RAVER1: variants seen among roughly 807,000 people sequenced by gnomAD.
RAVER1 encodes the protein ribonucleoprotein PTB-binding 1.
In RAVER1, 36 loss-of-function variants were observed where a neutral mutation model predicts 68.4. The observed-to-expected ratio is 0.53, with a 90% CI of 0.40 to 0.70. The LOEUF is 0.70. Among genes scored for constraint, RAVER1 ranks in the 30% least tolerant of loss-of-function variants. The pLI, the probability that RAVER1 is intolerant of heterozygous loss-of-function variation, is 0.00. For synonymous variants in RAVER1, 469 were observed against 472.7 expected (o/e 0.99, Z 0.10); for missense variants, 933 against 1,019.8 (o/e 0.91, Z 1.16).
intron 11 of RAVER1, 102 bp downstream of exon 11, chr19:10,318,127 C>G (rs187784221): frequency 1.3e-5 from 13 of 1,036,562 alleles, no homozygotes; most frequent in Admixed American, 2.8e-5. Context: ...GCCACCACCC[C>G]AGCTTTGGCC....
At chr19:10,327,867 C>G (rs562776413) in intron 3 of RAVER1, among the ~76,000 whole-genome samples, 4 of 152,260 alleles carry the variant, frequency 2.6e-5, no homozygotes, top group Non-Finnish European at 5.9e-5. Context: ...GGCCTGTTCT[C>G]GCCCCACTGC....
In RAVER1 at chr19:10,316,711, A is replaced by G. The variant is rs907690698; in HGVS notation, c.*743T>C. 7.3e-6 allele frequency: 2 copies of G among 273,426 alleles called. No individual in the cohort carries two copies. The highest frequency in any genetic ancestry group is 2.3e-5 in the African/African-American group (1 of 43,686). The allele number at this position is 273,426 out of a possible 1,614,324, so 16.9% of individuals were successfully genotyped here. On this transcript the variant is annotated 3_prime_UTR_variant, in exon 13 of 13. Coordinates refer to ENST00000617231, the MANE Select transcript of RAVER1 (RefSeq NM_133452.3). ...TGGAGATCCTGGGTAGGGTGGCCCA[A>G]TCCCTAGGCCAGAGCTGTTTGGTCC...
At position 10,320,948 on chromosome 19, in the gene RAVER1, A is replaced by G; in HGVS notation, c.1477T>C (p.Ser493Pro). 1.3e-6 allele frequency: 2 copies of G among 1,492,002 alleles called. No individual in the cohort carries two copies. The highest frequency in any genetic ancestry group is 2.5e-5 in the Admixed American group (1 of 39,424). 92.4% of individuals were successfully genotyped at this position (1,492,002 alleles called of 1,614,324 possible). Residue 493 changes from serine (S) to proline (P), a missense_variant, in exon 9 of 13, where the codon TCA (serine) becomes CCA (proline). Around this residue, in one of 3 missense-constraint regions of RAVER1, gnomAD observed 699 missense variants for 731.1 expected, o/e 0.96. Transcript: ENST00000617231. ...SGPLPTPPGV[S>P]LLGEPPKDYR... ...TCCTTGGGGGGCTCCCCCAGCAGTG[A>G]GACCTGTGGCGGGAAGGCAGGATTC...
At position 10,322,626 on chromosome 19, in the gene RAVER1, A is replaced by AG. The variant is rs1320917463; in HGVS notation, c.1173+18dup. On this transcript the variant is annotated intron_variant, in intron 6 of 12. Transcript: ENST00000617231. This position sits in a 1 kb window ranked among gnomAD's most constrained non-coding sequence, Gnocchi z 4.3. Reference sequence around the variant, plus strand: ...TGTAGGGGCTGTAGAGCAGTGGGTGAGGGGGATGCGTGTGTTACCTTCTGG... The same window carrying AG: ...TGTAGGGGCTGTAGAGCAGTGGGTGAGGGGGGATGCGTGTGTTACCTTCTGG... 1 of 1,497,442 alleles carries AG rather than the reference A, an allele frequency of 6.7e-7. No homozygotes were observed. Among genetic ancestry groups the AG allele is most frequent in the Admixed American group, 2.3e-5 (1 of 42,886 alleles). 92.8% of individuals were successfully genotyped at this position (1,497,442 alleles called of 1,614,324 possible).
chr19:10,332,690 CG>C, intron 1 of RAVER1, among the ~76,000 whole-genome samples: 1 of 152,316 alleles, frequency 6.6e-6, no homozygotes, highest in Admixed American at 6.5e-5. Context: ...AGATTAGCCA[CG>C]AGGGGCTCCA....
At position 10,320,799 on chromosome 19, in the gene RAVER1, G is replaced by A; in HGVS notation, c.1626C>T (p.Pro542=). ...AGRSRRPAEG[P]PTNPPAPGGG... The stretch of plus-strand genomic sequence containing the variant: ...CTCCAGGGGCTGGGGGGTTAGTTGG[G>A]GGGCCCTCAGCTGGGCGGCGGCTTC... Residue 542 remains proline, a synonymous_variant, in exon 9 of 13, where the codon CCC becomes CCT. Coordinates refer to ENST00000617231, the MANE Select transcript of RAVER1 (RefSeq NM_133452.3). 1.3e-6 allele frequency: 2 copies of A among 1,516,546 alleles called. No homozygotes were observed. The highest frequency in any genetic ancestry group is 1.3e-5 in the South Asian group (1 of 78,486). The allele number at this position is 1,516,546 out of a possible 1,614,324, so 93.9% of individuals were successfully genotyped here. A position where few individuals can be genotyped will look rare whatever the true frequency, so the allele number is the denominator to read the frequency against.
In RAVER1 at chr19:10,333,521, G is replaced by T; in HGVS notation, c.-14C>A. Reference sequence around the variant, plus strand: ...GTCCGCCGCCATCTTGGGAAACCCGGCGCCTTCTGGGACCAGCGAGCCGGG... The same window carrying T: ...GTCCGCCGCCATCTTGGGAAACCCGTCGCCTTCTGGGACCAGCGAGCCGGG... On this transcript the variant is annotated 5_prime_UTR_variant, in exon 1 of 13. Coordinates refer to ENST00000617231, the MANE Select transcript of RAVER1 (RefSeq NM_133452.3). This position sits in a 1 kb window ranked among gnomAD's most constrained non-coding sequence, Gnocchi z 4.2. 6.3e-7 allele frequency: 1 copy of T among 1,592,474 alleles called. No individual in the cohort carries two copies. The highest frequency in any genetic ancestry group is 8.5e-7 in the Non-Finnish European group (1 of 1,170,820).
In RAVER1 at chr19:10,328,724, A is replaced by G; in HGVS notation, c.674T>C (p.Val225Ala). ...PALLHSRCLC[V>A]DRLPPGFNDV... ...GTTGAAGCCAGGTGGCAGGCGGTCC[A>G]CACAGAGGCAGCGGGAGTGGAGAAG... The change falls in exon 3 of 13, where the codon GTG becomes GCG. Residue 225 changes from valine (V) to alanine (A), a missense_variant. By Grantham distance (64) the Val-to-Ala change is moderately conservative. Coordinates refer to ENST00000617231, the MANE Select transcript of RAVER1 (RefSeq NM_133452.3). This position sits in a 1 kb window ranked among gnomAD's most constrained non-coding sequence, Gnocchi z 4.4. The G allele has an allele frequency of 6.2e-7, 1 of 1,611,686 alleles. No individual in the cohort carries two copies. The highest frequency in any genetic ancestry group is 2.2e-5 in the East Asian group (1 of 44,812).
Position 10,319,256 on chromosome 19 carries a change from A to G in RAVER1, c.1771-16T>C. 1 of 1,612,830 alleles carries G rather than the reference A, an allele frequency of 6.2e-7. No homozygotes were observed. Among genetic ancestry groups the G allele is most frequent in the Non-Finnish European group, 8.5e-7 (1 of 1,179,124 alleles). On this transcript the variant is annotated splice_polypyrimidine_tract_variant and intron_variant, in intron 9 of 12. Transcript: ENST00000617231. ...GTCCCATGTCCTGAATGAAAGCGGG[A>G]GAAGCACATTGGGTTGGAGTCTGTC...
Position 10,333,265 on chromosome 19 carries a change from C to T in RAVER1, c.219+24G>A, listed in dbSNP as rs1179065868. On this transcript the variant is annotated intron_variant, in intron 1 of 12. Transcript: ENST00000617231. This position sits in a 1 kb window ranked among gnomAD's most constrained non-coding sequence, Gnocchi z 4.2. ...GCGCACCGTGGTATTTCCCGCCACG[C>T]TCCTACACCGCCCCCCCCAATACCT... 2 of 1,606,454 alleles carry T rather than the reference C, an allele frequency of 1.2e-6. No homozygotes were observed. The highest frequency in any genetic ancestry group is 1.7e-6 in the Non-Finnish European group (2 of 1,174,908).
intron 1 of RAVER1, among the ~76,000 whole-genome samples, chr19:10,331,210 C>T (rs1029582569): frequency 2.0e-5 from 3 of 148,648 alleles, no homozygotes; most frequent in Non-Finnish European, 4.5e-5. Flanking sequence ...ATTAGCCGGG[C>T]GCGGTGGCAG....
chr19:10,322,505 T>G lies in RAVER1; in HGVS notation c.1173+140A>C. 1.7e-6 allele frequency: 1 copy of G among 590,970 alleles called. No homozygotes were observed. The highest frequency in any genetic ancestry group is 2.2e-5 in the South Asian group (1 of 45,034). 36.6% of individuals were successfully genotyped at this position (590,970 alleles called of 1,614,324 possible). On this transcript the variant is annotated intron_variant, in intron 6 of 12. Transcript: ENST00000617231. This position sits in a 1 kb window ranked among gnomAD's most constrained non-coding sequence, Gnocchi z 4.3. ...GGGATGTGGGTGGGAAAGGCAGGGGTTTGGGGGAGTCGCCCTCACCCTGGT... is the reference window on the plus strand; with the variant it reads ...GGGATGTGGGTGGGAAAGGCAGGGGGTTGGGGGAGTCGCCCTCACCCTGGT...
chr19:10,318,150 G>C, intron 11 of RAVER1, 79 bp downstream of exon 11: 1 of 1,326,720 alleles, frequency 7.5e-7, no homozygotes, highest in South Asian at 1.4e-5. Flanking sequence ...GGCACCGAGG[G>C]TTACAGAGCC....
intron 8 of RAVER1, 29 bp downstream of exon 8, chr19:10,321,019 G>A (rs750772658): frequency 2.7e-6 from 4 of 1,466,130 alleles, no homozygotes; most frequent in Admixed American, 2.7e-5. Context: ...GGAGGCTGGT[G>A]TGGTGCCGCG....
At position 10,318,381 on chromosome 19, in the gene RAVER1, G is replaced by C. The variant is rs539280006; in HGVS notation, c.1846-9C>G. On this transcript the variant is annotated splice_polypyrimidine_tract_variant and intron_variant, in intron 10 of 12. Transcript: ENST00000617231. ...CTGGGCGGGGGGGACATCTGTAGAA[G>C]AAGGGCCGGTGGAGTGAAGCAGACA... 1.3e-5 allele frequency: 21 copies of C among 1,589,988 alleles called. No individual in the cohort carries two copies. The highest frequency in any genetic ancestry group is 9.4e-6 in the Non-Finnish European group (11 of 1,170,754).
intron 10 of RAVER1, 30 bp from the exon 11 acceptor site, chr19:10,318,402 A>T: frequency 6.4e-7 from 1 of 1,551,626 alleles, no homozygotes; most frequent in Non-Finnish European, 8.7e-7. Context: ...GGAGTGAAGC[A>T]GACAATTGTA....
In RAVER1 at chr19:10,322,565, AC is replaced by A; in HGVS notation, c.1173+79del. 1 of 1,061,640 alleles carries A rather than the reference AC, an allele frequency of 9.4e-7. No individual in the cohort carries two copies. 65.8% of individuals were successfully genotyped at this position (1,061,640 alleles called of 1,614,324 possible). Reference sequence around the variant, plus strand: ...CCAGGGCACAGCCAGAGGTCCCCCCACCCCACCGATCGCACCAGCTGTGTTG... The same window carrying A: ...CCAGGGCACAGCCAGAGGTCCCCCCACCCACCGATCGCACCAGCTGTGTTG... On this transcript the variant is annotated intron_variant, in intron 6 of 12. Coordinates refer to ENST00000617231, the MANE Select transcript of RAVER1 (RefSeq NM_133452.3). The surrounding 1 kb of genome is among the most constrained non-coding windows in gnomAD (Gnocchi z 4.3).
rs1227096822 is a variant in RAVER1, at chr19:10,329,238, GTTGCCAGCC to G, written c.287-136_287-128del. 1.6e-6 allele frequency: 1 copy of G among 639,106 alleles called. No homozygotes were observed. Among genetic ancestry groups the G allele is most frequent in the Non-Finnish European group, 2.7e-6 (1 of 376,750 alleles). 39.6% of individuals were successfully genotyped at this position (639,106 alleles called of 1,614,324 possible). A position where few individuals can be genotyped will look rare whatever the true frequency, so the allele number is the denominator to read the frequency against. On this transcript the variant is annotated intron_variant, in intron 2 of 12. Transcript: ENST00000617231. The surrounding 1 kb of genome is among the most constrained non-coding windows in gnomAD (Gnocchi z 4.6). ...TCTCAGGTGCCTGCTGATCTGAGCA[GTTGCCAGCC>G]TTGGCGACTCACACAGGCGAGAGCG...
chr19:10,331,382 A>T (rs2040516003), intron 1 of RAVER1, among the ~76,000 whole-genome samples: 1 of 90,442 alleles, frequency 1.1e-5, no homozygotes, highest in African/African-American at 4.6e-5. Flanking sequence ...AAAAAAAAAA[A>T]ATAACAACAA....
Sources: gnomAD v4.1 joint callset for allele counts (sites outside exome capture counted in the v4.1 genomes callset) on GRCh38, gnomAD v4.1.1 for gene constraint, gnomAD v4.1.1 regional missense constraint, Gnocchi (gnomAD v3.1) non-coding constraint, MANE v1.5 for transcripts, NCBI Gene and HGNC (gene_info 2026-07-23, HGNC 2026-07-21) for gene names.